The following LSM2 variants were observed in gnomAD, a reference collection of about 807,000 sequenced individuals.
The protein encoded by LSM2 is U6 snRNA-associated Sm-like protein LSm2.
Under a neutral mutation model 17.0 loss-of-function variants are expected in LSM2, and 12 were observed. That is an observed-to-expected ratio of 0.70 (90% confidence interval 0.45 to 1.14). LSM2 has a LOEUF of 1.14. Ranked by LOEUF, LSM2 falls within the 50% of genes most tolerant of loss-of-function variation. The probability of loss-of-function intolerance (pLI) is 0.00; values close to 1 mark genes in which losing one functional copy is unlikely to be tolerated. For synonymous variants in LSM2, 42 were observed against 44.5 expected, an observed-to-expected ratio of 0.94 and a Z score of 0.22; for missense variants, 62 against 111.8, an observed-to-expected ratio of 0.55 and a Z score of 2.01.
intron 2 of LSM2, 56 bp from the exon 3 acceptor site, chr6:31,798,563 G>C (rs1814522963): frequency 1.3e-6 from 2 of 1,589,040 alleles, no homozygotes. Flanking sequence ...AGTCAACATA[G>C]AGGTGACTTC....
chr6:31,800,290 C>T (rs1343067372), intron 2 of LSM2, among the ~76,000 whole-genome samples: 1 of 151,946 alleles, frequency 6.6e-6, no homozygotes, highest in Non-Finnish European at 1.5e-5. Flanking sequence ...GAGGCGAGAT[C>T]GAGCCACTGC....
intron 2 of LSM2, among the ~76,000 whole-genome samples, chr6:31,804,763 C>CTTTTTTTTTTTTTTT (rs9279424): frequency 2.9e-5 from 3 of 104,908 alleles, no homozygotes; most frequent in Admixed American, 1.1e-4. Context: ...TCTTTTTTTT[C>CTTTTTTTTTTTTTTT]TTTTTTTTTT....
chr6:31,804,548 G>C (rs1435952491), intron 2 of LSM2, among the ~76,000 whole-genome samples: 2 of 152,062 alleles, frequency 1.3e-5, no homozygotes, highest in Non-Finnish European at 2.9e-5. Flanking sequence ...CAGAATAGTG[G>C]TTAGTCAATA....
At chr6:31,806,439 T>A in intron 1 of LSM2, 1 of 601,910 alleles carries the variant, frequency 1.7e-6, no homozygotes, top group Non-Finnish European at 2.9e-6. Context: ...CCCACTCCTT[T>A]CAATGAATTG....
chr6:31,800,574 G>A (rs185550583), intron 2 of LSM2, among the ~76,000 whole-genome samples: 5 of 151,972 alleles, frequency 3.3e-5, no homozygotes, highest in South Asian at 2.1e-4. Flanking sequence ...CCAACACGGC[G>A]AATCCCCATC....
chr6:31,801,600 G>C (rs1486159872), intron 2 of LSM2, among the ~76,000 whole-genome samples: 1 of 151,976 alleles, frequency 6.6e-6, no homozygotes, highest in East Asian at 1.9e-4. Context: ...TTTGAGGCCA[G>C]CCTGGCCAAC....
intron 4 of LSM2, 25 bp downstream of exon 4, chr6:31,797,962 TTCC>T (rs779940277): frequency 3.1e-6 from 5 of 1,609,936 alleles, no homozygotes; most frequent in Non-Finnish European, 4.2e-6. Flanking sequence ...TTAGAGGTGT[TTCC>T]TCTTCTCCAC....
chr6:31,802,215 G>T (rs1455690987), intron 2 of LSM2, among the ~76,000 whole-genome samples: 1 of 151,968 alleles, frequency 6.6e-6, no homozygotes, highest in African/African-American at 2.4e-5. Context: ...AGGCAGCAGA[G>T]GTTGCAGTGA....
At chr6:31,799,990 A>G (rs1440292408) in intron 2 of LSM2, among the ~76,000 whole-genome samples, 2 of 152,172 alleles carry the variant, frequency 1.3e-5, no homozygotes, top group African/African-American at 4.8e-5. Context: ...AGCCAGCTGG[A>G]GAACAGCCCA....
intron 2 of LSM2, among the ~76,000 whole-genome samples, chr6:31,803,338 C>T (rs1213033797): frequency 6.6e-6 from 1 of 152,064 alleles, no homozygotes; most frequent in Non-Finnish European, 1.5e-5. Context: ...AGACTAGCCT[C>T]GGCAACACAG....
rs746041084 is a variant in LSM2 at position 31,797,741 on chromosome 6, AGAG to A, written c.*13_*15del. On this transcript the variant is annotated 3_prime_UTR_variant, in exon 5 of 5. Transcript: ENST00000375661. ...GGTCACCAATGAAAGAGGGAGGGGA[AGAG>A]GAGGAGGAGCCATCACTGTTTCTGC... 1.2e-6 allele frequency: 2 copies of A among 1,612,236 alleles called. No homozygotes were observed. The highest frequency in any genetic ancestry group is 1.3e-5 in the African/African-American group (1 of 75,016).
chr6:31,800,142 C>T (rs1182057024), intron 2 of LSM2, among the ~76,000 whole-genome samples: 1 of 152,054 alleles, frequency 6.6e-6, no homozygotes, highest in Non-Finnish European at 1.5e-5. Context: ...CGACACCAGC[C>T]TGGCCAACAT....
intron 2 of LSM2, among the ~76,000 whole-genome samples, chr6:31,803,934 T>A (rs1302424731): frequency 6.6e-6 from 1 of 152,156 alleles, no homozygotes; most frequent in Non-Finnish European, 1.5e-5. Context: ...CCAGGTGTGC[T>A]GGCTCATGCG....
In LSM2 at chr6:31,806,918, G is replaced by A; in HGVS notation, c.-161C>T. ...AGCTCCAAGCGCTGACGGGCAAAGC[G>A]CGGCCGACTTGCGGCTGGGGAGCGC... On this transcript the variant is annotated 5_prime_UTR_variant, in exon 1 of 5. Coordinates refer to ENST00000375661, the MANE Select transcript of LSM2 (RefSeq NM_021177.5). 5 of 967,842 alleles carry A rather than the reference G, an allele frequency of 5.2e-6. No homozygotes were observed. The highest frequency in any genetic ancestry group is 7.4e-6 in the Non-Finnish European group (5 of 671,228). The allele number at this position is 967,842 out of a possible 1,614,324, so 60.0% of individuals were successfully genotyped here.
intron 1 of LSM2, chr6:31,806,542 T>C: frequency 2.9e-6 from 2 of 696,830 alleles, no homozygotes; most frequent in Non-Finnish European, 5.0e-6. Context: ...CCTCACTGAA[T>C]CTCTCTCAGG....
chr6:31,798,133 G>A, intron 3 of LSM2, 84 bp from the exon 4 acceptor site: 1 of 1,221,602 alleles, frequency 8.2e-7, no homozygotes, highest in Non-Finnish European at 1.1e-6. Context: ...CCAGGCTGGA[G>A]TGCAATGGTG....
chr6:31,804,565 C>T (rs1050185552), intron 2 of LSM2, among the ~76,000 whole-genome samples: 1 of 151,950 alleles, frequency 6.6e-6, no homozygotes, highest in Admixed American at 6.6e-5. Flanking sequence ...AATACGTCTT[C>T]GGATATTATT....
chr6:31,802,948 T>C (rs1290919994), intron 2 of LSM2: 2 of 152,054 alleles, frequency 1.3e-5, no homozygotes, highest in African/African-American at 2.4e-5. Context: ...AAAGGTACTT[T>C]AGGGCCTAGG....
intron 2 of LSM2, chr6:31,802,933 A>T (rs1015267980): frequency 6.6e-6 from 1 of 152,172 alleles, no homozygotes; most frequent in Non-Finnish European, 1.5e-5. Context: ...TAAAATAAAA[A>T]AAATAAAGGT....
Sources: gnomAD v4.1 joint callset for allele counts (sites outside exome capture counted in the v4.1 genomes callset) on GRCh38, gnomAD v4.1.1 for gene constraint, MANE v1.5 for transcripts, NCBI Gene and HGNC (gene_info 2026-07-23, HGNC 2026-07-21) for gene names.